Variants in TLN2 observed in about 807,000 individuals in gnomAD.
TLN2 encodes the protein talin 2.
A neutral mutation model predicts 294.7 loss-of-function variants in TLN2; 118 were observed. That is an observed-to-expected ratio of 0.40 (90% confidence interval 0.34 to 0.47). The LOEUF is 0.47. TLN2 is among the 20% of genes least tolerant of loss of function. The pLI is 0.84. For synonymous variants in TLN2, 1,431 were observed against 1,304.5 expected, an observed-to-expected ratio of 1.10 and a Z score of -2.09; for missense variants, 3,083 against 3,282.2, an observed-to-expected ratio of 0.94 and a Z score of 1.48.
chr15:62,836,566 C>T (rs568507262), intron 57 of TLN2, among the ~76,000 whole-genome samples: 1 of 152,228 alleles, frequency 6.6e-6, no homozygotes, highest in Admixed American at 6.5e-5. Flanking sequence ...GGCCTTCAGC[C>T]AGTGTCTGCT....
chr15:62,645,433 T>C (rs1422213481), intron 3 of TLN2: 6 of 152,204 alleles, frequency 3.9e-5, no homozygotes, highest in South Asian at 2.1e-4. Context: ...CAAAATTCAT[T>C]CAGAATGCAA....
chr15:62,769,972 T>C (rs2063247840), intron 41 of TLN2, among the ~76,000 whole-genome samples: 1 of 152,208 alleles, frequency 6.6e-6, no homozygotes, highest in Non-Finnish European at 1.5e-5. Context: ...TCTCATATTC[T>C]GATGCCAGGT....
intron 1 of TLN2, among the ~76,000 whole-genome samples, chr15:62,545,081 C>T (rs1363478798): frequency 6.6e-6 from 1 of 151,426 alleles, no homozygotes; most frequent in Non-Finnish European, 1.5e-5. Context: ...AGGCACCTGC[C>T]ACCACACCCA....
chr15:62,434,820 T>C (rs754235585), intron 1 of TLN2, among the ~76,000 whole-genome samples: 15 of 152,214 alleles, frequency 9.9e-5, no homozygotes, highest in South Asian at 2.1e-4. Context: ...TGCAGGTTTG[T>C]TACATAGGTA....
intron 39 of TLN2, 132 bp downstream of exon 39, chr15:62,762,585 G>A (rs768264005): frequency 1.8e-5 from 18 of 991,706 alleles, no homozygotes; most frequent in Non-Finnish European, 2.7e-5. Flanking sequence ...CTTTGGGGCC[G>A]GAAGCACTGG....
chr15:62,786,069 A>G (rs965753896), intron 45 of TLN2, among the ~76,000 whole-genome samples: 15 of 152,230 alleles, frequency 9.9e-5, no homozygotes, highest in Non-Finnish European at 1.9e-4. Context: ...GAAAAGGGGC[A>G]GAGAGAATAT....
chr15:62,508,434 C>T (rs931564329), intron 1 of TLN2, among the ~76,000 whole-genome samples: 1 of 152,118 alleles, frequency 6.6e-6, no homozygotes, highest in Non-Finnish European at 1.5e-5. Flanking sequence ...CCAGGCTGGT[C>T]TCGAACTCCT....
rs558114646 is a variant in TLN2 at position 62,782,999 on chromosome 15, G to C, written c.5617-772G>C. Among the ~76,000 whole-genome samples, 3 of 152,272 alleles carry C rather than the reference G, an allele frequency of 2.0e-5. No homozygotes were observed. The South Asian group carries it at 6.2e-4, about 32-fold the overall frequency. On this transcript the variant is annotated intron_variant, in intron 44 of 58. Coordinates refer to ENST00000636159, the MANE Select transcript of TLN2 (RefSeq NM_015059.3). ...AGAGGTATTTTTGTCCAGAGGAAGA[G>C]GAAACACTAGAAACTAGCATGCCAG...
intron 1 of TLN2, among the ~76,000 whole-genome samples, chr15:62,413,134 A>G (rs994387496): frequency 6.6e-6 from 1 of 152,190 alleles, no homozygotes; most frequent in Admixed American, 6.5e-5. Flanking sequence ...AGGGAAAGTC[A>G]TTATAAGTTC....
chr15:62,773,992 C>A (rs2063523716), intron 42 of TLN2, among the ~76,000 whole-genome samples: 1 of 152,178 alleles, frequency 6.6e-6, no homozygotes, highest in African/African-American at 2.4e-5. Context: ...CTCTACCCCG[C>A]AGAGCTCCCT....
intron 40 of TLN2, among the ~76,000 whole-genome samples, chr15:62,763,972 G>T (rs1472265134): frequency 6.6e-6 from 1 of 152,192 alleles, no homozygotes; most frequent in East Asian, 1.9e-4. Context: ...CAATATCAAG[G>T]TAATTTAGGG....
rs115950157 is a variant in TLN2 at position 62,489,853 on chromosome 15, A to G, written c.-238+99168A>G. On this transcript the variant is annotated intron_variant, in intron 1 of 58. Coordinates refer to ENST00000636159, the MANE Select transcript of TLN2 (RefSeq NM_015059.3). ...CAAAGTGGGAAACTGCATGTTGCCCATTGTCAACAGCCATGTGAGTACCCC... is the reference window on the plus strand; with the variant it reads ...CAAAGTGGGAAACTGCATGTTGCCCGTTGTCAACAGCCATGTGAGTACCCC... 8.8e-3 allele frequency among the ~76,000 whole-genome samples: 1,338 copies of G among 152,338 alleles called. 19 individuals are homozygous for G. The highest frequency in any genetic ancestry group is 0.03 in the African/African-American group (1,266 of 41,574).
intron 1 of TLN2, among the ~76,000 whole-genome samples, chr15:62,421,369 G>A (rs906314229): frequency 6.6e-6 from 1 of 152,036 alleles, no homozygotes; most frequent in Non-Finnish European, 1.5e-5. Context: ...AGAGAGGGGT[G>A]TAAAATGTCA....
At chr15:62,452,833 G>T (rs1263371797) in intron 1 of TLN2, among the ~76,000 whole-genome samples, 3 of 152,294 alleles carry the variant, frequency 2.0e-5, no homozygotes, top group Admixed American at 6.5e-5. Flanking sequence ...GAGTGGCGGG[G>T]CCAGTGTACT....
chr15:62,577,220 G>T (rs1359680248), intron 1 of TLN2, among the ~76,000 whole-genome samples: 1 of 152,118 alleles, frequency 6.6e-6, no homozygotes, highest in African/African-American at 2.4e-5. Flanking sequence ...GAGGCGGGCG[G>T]ATCACCTGAG....
intron 28 of TLN2, among the ~76,000 whole-genome samples, chr15:62,732,056 C>T (rs145335300): frequency 1.2e-4 from 19 of 152,180 alleles, no homozygotes; most frequent in South Asian, 6.2e-4. Context: ...TGACACTTAG[C>T]GAGGGCTTTG....
chr15:62,401,326 A>G (rs28756719), intron 1 of TLN2, among the ~76,000 whole-genome samples: 7,635 of 150,304 alleles, frequency 0.051, 325 homozygotes, highest in African/African-American at 0.12. Context: ...GTCTCGCTCT[A>G]TCACCCAGGC....
rs2059230552 is a variant in TLN2, at chr15:62,708,729, C to G, written c.2400C>G (p.Arg800=). The G allele has an allele frequency of 6.2e-7, 1 of 1,612,142 alleles. No homozygotes were observed. Among genetic ancestry groups the G allele is most frequent in the Non-Finnish European group, 8.5e-7 (1 of 1,180,036 alleles). Residue 800 remains arginine, a synonymous_variant, in exon 21 of 59, where the codon CGC becomes CGG. Coordinates refer to ENST00000636159, the MANE Select transcript of TLN2 (RefSeq NM_015059.3). The part of the protein sequence containing the change: ...QFASRGEPIG[R]YDQATDTIMC... ...CCAGCCGAGGCGAGCCCATCGGCCG[C>G]TACGACCAGGCTACTGACACCATCA...
At chr15:62,795,063 G>C (rs1424789635) in intron 46 of TLN2, among the ~76,000 whole-genome samples, 2 of 152,182 alleles carry the variant, frequency 1.3e-5, no homozygotes, top group African/African-American at 2.4e-5. Flanking sequence ...TGGCGTCCCG[G>C]GAGGCAGGGC....
Sources: allele counts gnomAD v4.1 joint callset (sites outside exome capture counted in the v4.1 genomes callset), GRCh38; gene constraint gnomAD v4.1.1; transcripts MANE v1.5; gene names NCBI Gene and HGNC (gene_info 2026-07-23, HGNC 2026-07-21).